Variants in EFCAB6 observed in about 807,000 individuals in gnomAD.
EFCAB6 encodes EF-hand calcium-binding domain-containing protein 6.
In EFCAB6, 156 loss-of-function variants were observed where a neutral mutation model predicts 169.8. That is an observed-to-expected ratio of 0.92 (90% CI 0.81 to 1.05). The LOEUF (loss-of-function observed/expected upper bound fraction) is 1.05. Ranked by LOEUF, EFCAB6 falls within the 50% of genes least tolerant of loss-of-function variation. The probability of loss-of-function intolerance (pLI) is 0.00; values close to 1 mark genes in which losing one functional copy is unlikely to be tolerated. For missense variants in EFCAB6, 1,800 were observed against 1,829.1 expected (o/e 0.98, Z 0.29); for synonymous variants, 698 against 676.4 (o/e 1.03, Z -0.50).
chr22:43,566,720 T>C (rs1434403832), intron 26 of EFCAB6, among the ~76,000 whole-genome samples: 1 of 152,110 alleles, frequency 6.6e-6, no homozygotes, highest in Non-Finnish European at 1.5e-5. Context: ...TCAGCAACAC[T>C]GACCAGGGCT....
intron 17 of EFCAB6, 149 bp downstream of exon 17, chr22:43,666,954 CA>C (rs34356586): frequency 0.036 from 30,218 of 847,412 alleles, 58 homozygotes; most frequent in Middle Eastern, 0.069. Context: ...ATTTTTTGGC[CA>C]AAAAAAAAAA....
intron 3 of EFCAB6, among the ~76,000 whole-genome samples, chr22:43,774,879 G>A (rs950574440): frequency 1.5e-4 from 23 of 151,894 alleles, no homozygotes; most frequent in African/African-American, 5.6e-4. Context: ...ACGCTCTGGG[G>A]TTATGAGATG....
chr22:43,648,352 G>GCA (rs2056290793), intron 17 of EFCAB6, among the ~76,000 whole-genome samples: 1 of 152,102 alleles, frequency 6.6e-6, no homozygotes, highest in Non-Finnish European at 1.5e-5. Flanking sequence ...TGTGGTACAT[G>GCA]CACACCGTGG....
At chr22:43,664,211 G>A (rs2057137146) in intron 17 of EFCAB6, among the ~76,000 whole-genome samples, 1 of 152,186 alleles carries the variant, frequency 6.6e-6, no homozygotes, top group African/African-American at 2.4e-5. Flanking sequence ...CCAGACAGGT[G>A]TAGGAACCAG....
At chr22:43,659,273 T>A (rs980054925) in intron 17 of EFCAB6, among the ~76,000 whole-genome samples, 5 of 152,240 alleles carry the variant, frequency 3.3e-5, no homozygotes, top group Non-Finnish European at 5.9e-5. Flanking sequence ...GCTTTTAGAA[T>A]ATCTGTTTCC....
At chr22:43,657,689 T>C (rs2056815362) in intron 17 of EFCAB6, among the ~76,000 whole-genome samples, 1 of 151,828 alleles carries the variant, frequency 6.6e-6, no homozygotes, top group Non-Finnish European at 1.5e-5. Flanking sequence ...TTTCAAGAAA[T>C]TAGAAAAAGA....
At chr22:43,669,137 C>G in intron 15 of EFCAB6, 92 bp from the exon 16 acceptor site, 1 of 1,171,328 alleles carries the variant, frequency 8.5e-7, no homozygotes, top group Non-Finnish European at 1.1e-6. Context: ...ATGAAAGTAA[C>G]TACAACTTTC....
intron 7 of EFCAB6, among the ~76,000 whole-genome samples, chr22:43,732,806 T>G (rs556377750): frequency 6.6e-6 from 1 of 152,304 alleles, no homozygotes; most frequent in East Asian, 1.9e-4. Flanking sequence ...ATAAGATGTT[T>G]GAATTTTTAA....
At chr22:43,558,692 A>C (rs1186104943) in intron 26 of EFCAB6, among the ~76,000 whole-genome samples, 2 of 152,226 alleles carry the variant, frequency 1.3e-5, no homozygotes, top group African/African-American at 4.8e-5. Context: ...AAAGATTACA[A>C]GAAGATTACT....
In EFCAB6 at chr22:43,784,541, GTGTATATGTATATATACACATA is replaced by G. The variant is rs2061954285; in HGVS notation, c.-7-2238_-7-2217del. Among the ~76,000 whole-genome samples the G allele has an allele frequency of 3.8e-5, 3 of 79,706 alleles. 1 individual carries two copies. The highest frequency in any genetic ancestry group is 1.4e-4 in the African/African-American group (3 of 21,976). 52.3% of individuals were successfully genotyped at this position (79,706 alleles called of 152,430 possible). A position where few individuals can be genotyped will look rare whatever the true frequency, so the allele number is the denominator to read the frequency against. ...TGTGTGTGTGTGTGTGTGTGTGTGT[GTGTATATGTATATATACACATA>G]TATATGTGTACATATACACATATAT... On this transcript the variant is annotated intron_variant, in intron 2 of 31. Transcript: ENST00000262726.
Position 43,692,911 on chromosome 22 carries a change from T to C in EFCAB6, c.1032-5330A>G, listed in dbSNP as rs548059349. 7.9e-5 allele frequency among the ~76,000 whole-genome samples: 12 copies of C among 152,246 alleles called. 1 individual carries two copies. The highest frequency in any genetic ancestry group is 4.1e-4 in the South Asian group (2 of 4,822). ...TACACAACAAACATCAAGCATGATA[T>C]ACATGAAAAAGGCCTTGCCAAGGTA... On this transcript the variant is annotated intron_variant, in intron 10 of 31. Transcript: ENST00000262726.
At chr22:43,611,571 C>G (rs2053303252) in intron 21 of EFCAB6, among the ~76,000 whole-genome samples, 1 of 152,084 alleles carries the variant, frequency 6.6e-6, no homozygotes, top group Non-Finnish European at 1.5e-5. Flanking sequence ...CTGAGGTAGG[C>G]AGATCGCTTG....
chr22:43,691,080 T>G (rs1259727927), intron 10 of EFCAB6, among the ~76,000 whole-genome samples: 1 of 152,122 alleles, frequency 6.6e-6, no homozygotes, highest in African/African-American at 2.4e-5. Flanking sequence ...GCTAGCACTG[T>G]GGACATGATC....
chr22:43,802,772 A>T, intron 2 of EFCAB6: 2 of 510,040 alleles, frequency 3.9e-6, no homozygotes, highest in Non-Finnish European at 7.7e-6. Flanking sequence ...TGGAGATGCC[A>T]AGTGAAGTGT....
chr22:43,691,521 C>A (rs137921738), intron 10 of EFCAB6, among the ~76,000 whole-genome samples: 1 of 151,870 alleles, frequency 6.6e-6, no homozygotes, highest in Non-Finnish European at 1.5e-5. Flanking sequence ...TCTAGGCATG[C>A]GCTTATCTGG....
chr22:43,801,834 CA>C (rs2062730637), intron 2 of EFCAB6, among the ~76,000 whole-genome samples: 1 of 152,002 alleles, frequency 6.6e-6, no homozygotes, highest in Non-Finnish European at 1.5e-5. Flanking sequence ...CAGAAAAAAG[CA>C]ACAAAATGGC....
chr22:43,763,297 C>A (rs983220020), intron 5 of EFCAB6, among the ~76,000 whole-genome samples: 1 of 152,102 alleles, frequency 6.6e-6, no homozygotes, highest in East Asian at 1.9e-4. Flanking sequence ...CTTCGGCCTC[C>A]CAAAGTGCTG....
chr22:43,791,098 G>A (rs1342049711), intron 2 of EFCAB6, among the ~76,000 whole-genome samples: 2 of 152,184 alleles, frequency 1.3e-5, no homozygotes, highest in African/African-American at 4.8e-5. Context: ...ACAGATTGGG[G>A]CTGAAGATAA....
chr22:43,622,966 T>A (rs1461808787), intron 20 of EFCAB6, among the ~76,000 whole-genome samples: 2 of 152,208 alleles, frequency 1.3e-5, no homozygotes, highest in African/African-American at 4.8e-5. Flanking sequence ...AAATTCAGAA[T>A]TCCTTCTTTA....
Sources: gnomAD v4.1 joint callset for allele counts (sites outside exome capture counted in the v4.1 genomes callset) on GRCh38, gnomAD v4.1.1 for gene constraint, MANE v1.5 for transcripts, NCBI Gene and HGNC (gene_info 2026-07-23, HGNC 2026-07-21) for gene names.